The following TDRD3 variants were observed in gnomAD, a reference collection of about 807,000 sequenced individuals.
TDRD3 encodes tudor domain containing 3.
Under a neutral mutation model 86.7 loss-of-function variants are expected in TDRD3, and 45 were observed. The ratio of observed to expected loss-of-function variants is 0.52; its 90% CI spans 0.41 to 0.67. The LOEUF (loss-of-function observed/expected upper bound fraction) is 0.67, where lower values mean the gene tolerates loss of function less well. Ranked by LOEUF, TDRD3 falls within the 30% of genes least tolerant of loss-of-function variation. TDRD3 has a pLI of 0.00. For missense variants in TDRD3, 814 were observed against 889.0 expected (o/e 0.92, Z 1.07); for synonymous variants, 298 against 301.7 (o/e 0.99, Z 0.13).
intron 12 of TDRD3, among the ~76,000 whole-genome samples, chr13:60,547,058 CAG>C (rs1235488834): frequency 6.6e-6 from 1 of 152,028 alleles, no homozygotes; most frequent in Non-Finnish European, 1.5e-5. Context: ...AAAGTTTTGA[CAG>C]AAACTGCTAA....
At position 60,438,156 on chromosome 13, in the gene TDRD3, G is replaced by A. The variant is rs112372740; in HGVS notation, c.42-1532G>A. 2.0e-5 allele frequency among the ~76,000 whole-genome samples: 3 copies of A among 152,102 alleles called. 1 individual carries two copies. The highest frequency in any genetic ancestry group is 2.1e-4 in the South Asian group (1 of 4,812). On this transcript the variant is annotated intron_variant, in intron 1 of 13. Coordinates refer to ENST00000377881, the MANE Select transcript of TDRD3 (RefSeq NM_001146070.2). ...TCACACAATACTTTTCACATAAGCGGGGCATAATATTTATGAAAGTGAATT... is the reference window on the plus strand; with the variant it reads ...TCACACAATACTTTTCACATAAGCGAGGCATAATATTTATGAAAGTGAATT...
intron 12 of TDRD3, among the ~76,000 whole-genome samples, chr13:60,544,299 C>T (rs1205527150): frequency 1.3e-5 from 2 of 151,496 alleles, no homozygotes; most frequent in Admixed American, 1.3e-4. Flanking sequence ...AAAAAATTAG[C>T]CAGGTGAGGT....
intron 10 of TDRD3, among the ~76,000 whole-genome samples, chr13:60,517,155 A>T (rs1957190374): frequency 6.6e-6 from 1 of 151,684 alleles, no homozygotes; most frequent in Non-Finnish European, 1.5e-5. Flanking sequence ...TTGATAGTTC[A>T]TGGAAGGTGT....
At chr13:60,453,110 A>G (rs1955585883) in intron 3 of TDRD3, among the ~76,000 whole-genome samples, 1 of 152,204 alleles carries the variant, frequency 6.6e-6, no homozygotes, top group African/African-American at 2.4e-5. Context: ...AAACTATGCA[A>G]TACAAAAGTT....
At chr13:60,460,652 G>T in intron 4 of TDRD3, 112 bp downstream of exon 4, 2 of 951,410 alleles carry the variant, frequency 2.1e-6, no homozygotes, top group Non-Finnish European at 3.0e-6. Context: ...GTGTGTTACA[G>T]TTTTTCAGAT....
chr13:60,396,264 T>C (rs1354493736), upstream of TDRD3, among the ~76,000 whole-genome samples: 1 of 152,184 alleles, frequency 6.6e-6, no homozygotes, highest in African/African-American at 2.4e-5. Context: ...TAGAAGCCTT[T>C]TTCCCCGCAA....
intron 12 of TDRD3, among the ~76,000 whole-genome samples, chr13:60,559,213 T>G (rs1958277526): frequency 1.3e-5 from 2 of 152,154 alleles, no homozygotes; most frequent in Admixed American, 1.3e-4. Flanking sequence ...ACCTCTGAGG[T>G]CATTACTATA....
At chr13:60,481,352 T>G (rs1451072003) in intron 5 of TDRD3, among the ~76,000 whole-genome samples, 47 of 150,246 alleles carry the variant, frequency 3.1e-4, no homozygotes, top group East Asian at 1.6e-3. Context: ...TCTTTGTGTT[T>G]TTTTTTTTTT....
chr13:60,573,848 G>A lies in TDRD3; in HGVS notation c.*242G>A, dbSNP rs192825234. ...TGAAAGGAAGAATTTTTCTTCTGCC[G>A]TCAATAAAACCATTGTGCTATTATT... On this transcript the variant is annotated 3_prime_UTR_variant, in exon 14 of 14. Coordinates refer to ENST00000377881, the MANE Select transcript of TDRD3 (RefSeq NM_001146070.2). The A allele has an allele frequency of 1.0e-3, 166 of 165,612 alleles. No homozygotes were observed. Among genetic ancestry groups the A allele is most frequent in the Non-Finnish European group, 1.3e-3 (102 of 80,350 alleles). The allele number at this position is 165,612 out of a possible 1,614,324, so 10.3% of individuals were successfully genotyped here. A position where few individuals can be genotyped will look rare whatever the true frequency, so the allele number is the denominator to read the frequency against.
At chr13:60,442,048 A>C (rs1464549735) in intron 2 of TDRD3, among the ~76,000 whole-genome samples, 2 of 152,210 alleles carry the variant, frequency 1.3e-5, no homozygotes, top group East Asian at 3.8e-4. Flanking sequence ...GCCTTTCTAA[A>C]GATAGCTGCC....
intron 12 of TDRD3, among the ~76,000 whole-genome samples, chr13:60,556,601 AAATATT>A (rs1958191860): frequency 1.3e-5 from 2 of 152,322 alleles, no homozygotes; most frequent in South Asian, 4.1e-4. Context: ...CACCTACTAA[AAATATT>A]AAAGCAAGAT....
At chr13:60,547,772 C>A (rs549921596) in intron 12 of TDRD3, among the ~76,000 whole-genome samples, 3 of 152,270 alleles carry the variant, frequency 2.0e-5, no homozygotes, top group African/African-American at 7.2e-5. Context: ...GTTAAGTATT[C>A]TAAGAATGTA....
intron 12 of TDRD3, among the ~76,000 whole-genome samples, chr13:60,544,941 C>G (rs1165262913): frequency 6.6e-6 from 1 of 152,056 alleles, no homozygotes; most frequent in Non-Finnish European, 1.5e-5. Context: ...GGAAGGAGAT[C>G]AGTAATTATT....
intron 1 of TDRD3, among the ~76,000 whole-genome samples, chr13:60,403,865 CAAT>C (rs1336891680): frequency 2.0e-5 from 3 of 152,016 alleles, no homozygotes; most frequent in African/African-American, 7.3e-5. Flanking sequence ...AATATCTTTA[CAAT>C]AATAAGTAAG....
At chr13:60,456,213 C>T (rs1287147960) in intron 3 of TDRD3, among the ~76,000 whole-genome samples, 1 of 152,088 alleles carries the variant, frequency 6.6e-6, no homozygotes, top group Non-Finnish European at 1.5e-5. Flanking sequence ...CCCCTGTCAT[C>T]CAAACTTTGG....
chr13:60,401,290 AAAAT>A (rs1476827703), intron 1 of TDRD3, among the ~76,000 whole-genome samples: 2 of 152,360 alleles, frequency 1.3e-5, no homozygotes, highest in East Asian at 1.9e-4. Context: ...ATATGAATAA[AAAAT>A]AAAATATAAT....
chr13:60,550,441 G>A (rs1958022954), intron 12 of TDRD3, among the ~76,000 whole-genome samples: 1 of 152,002 alleles, frequency 6.6e-6, no homozygotes, highest in Non-Finnish European at 1.5e-5. Flanking sequence ...CATGTTCTTG[G>A]AGGAGTTAAT....
chr13:60,478,905 G>A (rs1050285141), intron 5 of TDRD3, among the ~76,000 whole-genome samples: 1 of 149,710 alleles, frequency 6.7e-6, no homozygotes, highest in Non-Finnish European at 1.5e-5. Context: ...TGGGGTTCAA[G>A]CAATTCTCCT....
intron 1 of TDRD3, among the ~76,000 whole-genome samples, chr13:60,412,235 C>A (rs566649608): frequency 6.6e-6 from 1 of 152,216 alleles, no homozygotes; most frequent in African/African-American, 2.4e-5. Context: ...TGAAGTAGGT[C>A]ATATTTGACA....
Sources: allele counts gnomAD v4.1 joint callset (sites outside exome capture counted in the v4.1 genomes callset), GRCh38; gene constraint gnomAD v4.1.1; transcripts MANE v1.5; gene names NCBI Gene and HGNC (gene_info 2026-07-23, HGNC 2026-07-21).